Variants in P2RX7 observed in about 807,000 individuals in gnomAD.
The protein encoded by P2RX7 is purinergic receptor P2X 7.
A neutral mutation model predicts 71.6 loss-of-function variants in P2RX7; 62 were observed. That is an observed-to-expected ratio of 0.87 (90% CI 0.71 to 1.07). P2RX7 has a LOEUF of 1.07. Among genes scored for constraint, P2RX7 ranks in the 50% least tolerant of loss-of-function variants. P2RX7 has a pLI of 0.00. For synonymous variants in P2RX7, 299 were observed against 283.3 expected, an observed-to-expected ratio of 1.06 and a Z score of -0.56; for missense variants, 686 against 748.5, an observed-to-expected ratio of 0.92 and a Z score of 0.97.
intron 1 of P2RX7, among the ~76,000 whole-genome samples, chr12:121,146,297 T>C (rs1374047523): frequency 7.5e-6 from 1 of 132,808 alleles, no homozygotes; most frequent in African/African-American, 2.9e-5. Context: ...CTTTTTTTTT[T>C]TTTTTTTTTT....
intron 2 of P2RX7, chr12:121,155,310 G>A: frequency 7.6e-7 from 1 of 1,310,686 alleles, no homozygotes; most frequent in Non-Finnish European, 1.0e-6. Flanking sequence ...CTACCAAAGA[G>A]CACCAGCCCT....
intron 7 of P2RX7, 132 bp from the exon 8 acceptor site, chr12:121,167,356 T>G (rs1881297553): frequency 2.1e-6 from 2 of 962,268 alleles, no homozygotes; most frequent in Non-Finnish European, 3.2e-6. Context: ...TAGGTGGGGC[T>G]GTACATATGG....
At chr12:121,183,759 A>T (rs1337384999) in intron 12 of P2RX7, among the ~76,000 whole-genome samples, 1 of 150,750 alleles carries the variant, frequency 6.6e-6, no homozygotes, top group African/African-American at 2.4e-5. Flanking sequence ...TCTGAATTTC[A>T]TTTTCCAAAA....
intron 12 of P2RX7, among the ~76,000 whole-genome samples, chr12:121,181,322 G>GGC (rs1565979306): frequency 2.0e-5 from 3 of 152,140 alleles, no homozygotes; most frequent in African/African-American, 7.2e-5. Flanking sequence ...GGACATTTGG[G>GGC]TAGTGTCCAG....
chr12:121,167,817 A>AT lies in P2RX7; in HGVS notation c.881+206dup, dbSNP rs879467840. 5.8e-3 allele frequency among the ~76,000 whole-genome samples: 800 copies of AT among 136,784 alleles called. 6 individuals carry two copies. The highest frequency in any genetic ancestry group is 0.021 in the Middle Eastern group (6 of 280). The allele number at this position is 136,784 out of a possible 152,430, so 89.7% of individuals were successfully genotyped here. On this transcript the variant is annotated intron_variant, in intron 8 of 12. Transcript: ENST00000328963. ...GATGCACACTCTTTATTTTTTACTT[A>AT]TTTTTTTTTTTTTGAAATGGAGTCT...
At chr12:121,163,549 G>A (rs1880270866) in intron 5 of P2RX7, among the ~76,000 whole-genome samples, 1 of 123,514 alleles carries the variant, frequency 8.1e-6, no homozygotes, top group Admixed American at 8.3e-5. Flanking sequence ...ATAGATGATA[G>A]ATAGAAAGAT....
intron 12 of P2RX7, among the ~76,000 whole-genome samples, chr12:121,182,532 G>A (rs1434651838): frequency 1.3e-5 from 2 of 152,076 alleles, no homozygotes; most frequent in African/African-American, 2.4e-5. Flanking sequence ...TACTGAATAC[G>A]GTAAGCAACT....
Position 121,166,088 on chromosome 12 carries a change from T to C in P2RX7, c.645T>C (p.Thr215=). The C allele has an allele frequency of 6.2e-7, 1 of 1,613,780 alleles. No homozygotes were observed. Among genetic ancestry groups the C allele is most frequent in the Non-Finnish European group, 8.5e-7 (1 of 1,179,662 alleles). ...TRNILPGLNI[T]CTFHKTQNPQ... ...ACATCCTGCCAGGTTTAAACATCACTTGTACCTTCCACAAGACTCAGAATC... is the reference window on the plus strand; with the variant it reads ...ACATCCTGCCAGGTTTAAACATCACCTGTACCTTCCACAAGACTCAGAATC... The change falls in exon 7 of 13, where the codon ACT becomes ACC. Residue 215 remains threonine (T), a synonymous_variant. Coordinates refer to ENST00000328963, the MANE Select transcript of P2RX7 (RefSeq NM_002562.6).
rs201664005 is a variant in P2RX7, at chr12:121,184,684, G to A, written c.1670G>A (p.Arg557His). The A allele has an allele frequency of 5.8e-5, 91 of 1,577,220 alleles. No individual in the cohort carries two copies. Among genetic ancestry groups the A allele is most frequent in the Non-Finnish European group, 7.1e-5 (83 of 1,161,544 alleles). ...GCCTACAGGTGCTACGCCACCTGGC[G>A]CTTCGGCTCCCAGGACATGGCTGAC... ...HCAYRCYATW[R>H]FGSQDMADFA... is the part of the protein sequence containing the mutation. The change falls in exon 13 of 13, where the codon CGC (arginine) becomes CAC (histidine). Residue 557 changes from arginine (R) to histidine (H), a missense_variant. Transcript: ENST00000328963.
In P2RX7 at chr12:121,136,467, C is replaced by T. The variant is rs796067789; in HGVS notation, c.125+3372C>T. On this transcript the variant is annotated intron_variant, in intron 1 of 12. Transcript: ENST00000328963. ...CCAAGTAGCTGGGACCATAGGCACA[C>T]GCCATGATGTCTGACTAATTTTTTA... Among the ~76,000 whole-genome samples the T allele has an allele frequency of 6.3e-4, 96 of 151,614 alleles. 1 individual carries two copies. The highest frequency in any genetic ancestry group is 2.0e-3 in the African/African-American group (84 of 41,222).
chr12:121,152,051 C>T, intron 1 of P2RX7, among the ~76,000 whole-genome samples: 1 of 152,070 alleles, frequency 6.6e-6, no homozygotes, highest in South Asian at 2.1e-4. Flanking sequence ...GTGACCTTGG[C>T]CCCCTGCAAC....
chr12:121,163,327 T>TACACAC (rs113687409), intron 5 of P2RX7, among the ~76,000 whole-genome samples: 1,500 of 145,286 alleles, frequency 0.01, 23 homozygotes, highest in African/African-American at 0.029. Flanking sequence ...ATGCCTGGCT[T>TACACAC]ACACACACAC....
intron 6 of P2RX7, 136 bp from the exon 7 acceptor site, chr12:121,165,922 C>G (rs1040173498): frequency 7.0e-6 from 6 of 861,596 alleles, no homozygotes; most frequent in Non-Finnish European, 1.1e-5. Flanking sequence ...AGGCCACTGC[C>G]CAGGGGTCCC....
chr12:121,175,303 CCT>C, intron 8 of P2RX7, 83 bp from the exon 9 acceptor site: 1 of 613,654 alleles, frequency 1.6e-6, no homozygotes, highest in East Asian at 2.7e-5. Flanking sequence ...AGCGTGAGAC[CCT>C]GTCTCAAAAA....
chr12:121,138,086 G>C (rs1207880070), intron 1 of P2RX7, among the ~76,000 whole-genome samples: 1 of 152,224 alleles, frequency 6.6e-6, no homozygotes, highest in African/African-American at 2.4e-5. Flanking sequence ...TGTCAGCCAG[G>C]ATCGTTTGGG....
rs182763433 is a variant in P2RX7, at chr12:121,150,959, A to T, written c.126-3826A>T. 2.3e-3 allele frequency among the ~76,000 whole-genome samples: 346 copies of T among 152,348 alleles called. 2 individuals are homozygous for T. Among genetic ancestry groups the T allele is most frequent in the African/African-American group, 7.7e-3 (322 of 41,588 alleles). On this transcript the variant is annotated intron_variant, in intron 1 of 12. Coordinates refer to ENST00000328963, the MANE Select transcript of P2RX7 (RefSeq NM_002562.6). ...GAAATACTAAAGTGTATTGTGCATA[A>T]TATAACACCCACGTACCACCATCCA...
chr12:121,173,631 C>T (rs1882583360), intron 8 of P2RX7, among the ~76,000 whole-genome samples: 1 of 152,166 alleles, frequency 6.6e-6, no homozygotes. Context: ...AAGAATGGTC[C>T]AGAGCTTTAT....
chr12:121,142,304 A>C (rs1875081088), intron 1 of P2RX7, among the ~76,000 whole-genome samples: 4 of 152,208 alleles, frequency 2.6e-5, no homozygotes, highest in Non-Finnish European at 5.9e-5. Flanking sequence ...TTGAGGCTGC[A>C]GGACTGGGCT....
At position 121,175,406 on chromosome 12, in the gene P2RX7, G is replaced by A; in HGVS notation, c.900G>A (p.Lys300=). Residue 300 remains lysine (K), a synonymous_variant, in exon 9 of 13, where the codon AAG becomes AAA. Transcript: ENST00000328963. The part of the protein sequence containing the change: ...GYNFRYAKYY[K]ENNVEKRTLI... Reference sequence around the variant, plus strand: ...CCTACAGATACGCCAAGTACTACAAGGAAAACAATGTTGAGAAACGGACTC... The same window carrying A: ...CCTACAGATACGCCAAGTACTACAAAGAAAACAATGTTGAGAAACGGACTC... 1 of 1,605,590 alleles carries A rather than the reference G, an allele frequency of 6.2e-7. No homozygotes were observed. Among genetic ancestry groups the A allele is most frequent in the Non-Finnish European group, 8.5e-7 (1 of 1,172,858 alleles).
Sources: allele counts gnomAD v4.1 joint callset (sites outside exome capture counted in the v4.1 genomes callset), GRCh38; gene constraint gnomAD v4.1.1; transcripts MANE v1.5; gene names NCBI Gene and HGNC (gene_info 2026-07-23, HGNC 2026-07-21).